SYT17: variants seen among roughly 807,000 people sequenced by gnomAD.
SYT17 encodes the protein synaptotagmin 17.
A neutral mutation model predicts 46.7 loss-of-function variants in SYT17; 22 were observed. The ratio of observed to expected loss-of-function variants is 0.47; its 90% confidence interval spans 0.34 to 0.67. The LOEUF (loss-of-function observed/expected upper bound fraction) is 0.67, where lower values mean the gene tolerates loss of function less well. SYT17 is among the 30% of genes least tolerant of loss of function. The pLI is 0.01. For missense variants in SYT17, 519 were observed against 612.8 expected (o/e 0.85, Z 1.62); for synonymous variants, 251 against 248.4 (o/e 1.01, Z -0.10).
rs147020335 is a variant in SYT17 at position 19,222,880 on chromosome 16, T to C, written c.952-165T>C. The stretch of plus-strand genomic sequence containing the variant: ...AAACTCAGAGATAGATGGACCACAA[T>C]AATTAGAGGCAGAGATGAAAAGAAG... On this transcript the variant is annotated intron_variant, in intron 5 of 7. Transcript: ENST00000355377. 5.3e-3 allele frequency among the ~76,000 whole-genome samples: 810 copies of C among 152,176 alleles called. 6 individuals carry two copies. Among genetic ancestry groups the C allele is most frequent in the African/African-American group, 0.018 (760 of 41,512 alleles).
intron 7 of SYT17, among the ~76,000 whole-genome samples, chr16:19,254,691 T>TC (rs551233988): frequency 6.6e-6 from 1 of 152,232 alleles, no homozygotes; most frequent in South Asian, 2.1e-4. Context: ...GTGTACATCT[T>TC]CCCCCAAGCG....
intron 5 of SYT17, among the ~76,000 whole-genome samples, chr16:19,210,181 C>T (rs1222131249): frequency 6.6e-6 from 1 of 152,044 alleles, no homozygotes; most frequent in Non-Finnish European, 1.5e-5. Context: ...TTCTATCATT[C>T]TGGTACAATA....
intron 5 of SYT17, among the ~76,000 whole-genome samples, chr16:19,220,651 T>C (rs879313051): frequency 2.6e-5 from 4 of 152,110 alleles, no homozygotes; most frequent in African/African-American, 4.8e-5. Flanking sequence ...AGGACCATCA[T>C]GATATGTACA....
At chr16:19,248,384 GAAACA>G (rs1967747314) in intron 7 of SYT17, among the ~76,000 whole-genome samples, 1 of 152,032 alleles carries the variant, frequency 6.6e-6, no homozygotes, top group Non-Finnish European at 1.5e-5. Context: ...TTACCCAAGA[GAAACA>G]AAAACATATG....
At chr16:19,232,456 C>T (rs1966735439) in intron 7 of SYT17, among the ~76,000 whole-genome samples, 1 of 152,122 alleles carries the variant, frequency 6.6e-6, no homozygotes, top group Non-Finnish European at 1.5e-5. Flanking sequence ...TGTGGGGCTG[C>T]AGACCACATT....
At chr16:19,219,424 AAAAAAAAAAAAAAAAAAAAAAAT>A (rs1246026012) in intron 5 of SYT17, among the ~76,000 whole-genome samples, 1 of 5,850 alleles carries the variant, frequency 1.7e-4, no homozygotes, top group African/African-American at 4.5e-3. Context: ...AAAAAAAAAA[AAAAAAAAAAAAAAAAAAAAAAAT>A]AATAATAATA....
chr16:19,252,478 T>C lies in SYT17; in HGVS notation c.1229-14402T>C, dbSNP rs1160594056. On this transcript the variant is annotated intron_variant, in intron 7 of 7. Transcript: ENST00000355377. ...ATATACATATATATATACATATATA[T>C]ATACATATATATATACATATATATA... Among the ~76,000 whole-genome samples the C allele has an allele frequency of 3.2e-4, 3 of 9,500 alleles. 1 individual carries two copies. Among genetic ancestry groups the C allele is most frequent in the African/African-American group, 1.3e-3 (2 of 1,580 alleles). The allele number at this position is 9,500 out of a possible 152,430, so 6.2% of individuals were successfully genotyped here. A position where few individuals can be genotyped will look rare whatever the true frequency, so the allele number is the denominator to read the frequency against.
At chr16:19,226,184 CA>C (rs1181371860) in intron 7 of SYT17, among the ~76,000 whole-genome samples, 3 of 152,184 alleles carry the variant, frequency 2.0e-5, no homozygotes, top group Non-Finnish European at 4.4e-5. Flanking sequence ...ACAACCTACA[CA>C]AAGTCTCAAG....
At chr16:19,189,455 C>T (rs1555457165) in intron 5 of SYT17, among the ~76,000 whole-genome samples, 1 of 151,980 alleles carries the variant, frequency 6.6e-6, no homozygotes. Context: ...ATCCTCCTAC[C>T]TCAGCCTTTC....
At chr16:19,232,559 G>A (rs137973565) in intron 7 of SYT17, among the ~76,000 whole-genome samples, 133 of 152,210 alleles carry the variant, frequency 8.7e-4, no homozygotes, top group Non-Finnish European at 1.5e-3. Context: ...GGCCCGGTGC[G>A]GTGGCTCACA....
At chr16:19,173,222 T>C in intron 2 of SYT17, 1 of 565,832 alleles carries the variant, frequency 1.8e-6, no homozygotes, top group Non-Finnish European at 3.1e-6. Context: ...AGTTGATGTT[T>C]GCTATCTTTG....
intron 5 of SYT17, among the ~76,000 whole-genome samples, chr16:19,211,716 C>T (rs1449229467): frequency 6.6e-6 from 1 of 151,928 alleles, no homozygotes; most frequent in Non-Finnish European, 1.5e-5. Flanking sequence ...CGCTCCACCT[C>T]CCGGGTTCAC....
rs146945337 is a variant in SYT17, at chr16:19,184,781, G to T, written c.951+634G>T. Among the ~76,000 whole-genome samples the T allele has an allele frequency of 1.4e-4, 21 of 152,116 alleles. No homozygotes were observed. In the East Asian group the frequency reaches 3.9e-3, roughly 28 times the overall value. On this transcript the variant is annotated intron_variant, in intron 5 of 7. Transcript: ENST00000355377. ...TTTAATAAGGAGAATGATTGCACAG[G>T]GTATAAAGCTATCAATCATTTTGAC...
intron 1 of SYT17, chr16:19,170,242 A>C (rs1567194558): frequency 6.6e-6 from 1 of 152,070 alleles, no homozygotes; most frequent in Non-Finnish European, 1.5e-5. Context: ...GTTCCAATAA[A>C]ACTTTATTTG....
At chr16:19,189,166 G>A (rs1964911476) in intron 5 of SYT17, among the ~76,000 whole-genome samples, 1 of 152,094 alleles carries the variant, frequency 6.6e-6, no homozygotes, top group Non-Finnish European at 1.5e-5. Context: ...GATTACAGGC[G>A]TGAGCCACGT....
chr16:19,204,477 G>C (rs1450708975), intron 5 of SYT17, among the ~76,000 whole-genome samples: 1 of 152,062 alleles, frequency 6.6e-6, no homozygotes, highest in Non-Finnish European at 1.5e-5. Flanking sequence ...TGAGGTGCTT[G>C]CTGGTTAGGG....
At chr16:19,248,895 C>T (rs1597023506) in intron 7 of SYT17, among the ~76,000 whole-genome samples, 2 of 151,506 alleles carry the variant, frequency 1.3e-5, no homozygotes, top group East Asian at 1.9e-4. Flanking sequence ...TACACATGGC[C>T]GAATCTCAAA....
chr16:19,173,306 T>C (rs777252906), intron 2 of SYT17, 124 bp from the exon 3 acceptor site: 31 of 638,940 alleles, frequency 4.9e-5, no homozygotes, highest in Non-Finnish European at 7.6e-5. Flanking sequence ...AACTCCTGAA[T>C]GTCTATTTCT....
At position 19,220,977 on chromosome 16, in the gene SYT17, A is replaced by G. The variant is rs146850563; in HGVS notation, c.952-2068A>G. ...GAGGCTAAGGCAGGAGGATCACTTG[A>G]GGCCAGGATTTCAAGACCAGCCTGG... On this transcript the variant is annotated intron_variant, in intron 5 of 7. Transcript: ENST00000355377. Among the ~76,000 whole-genome samples, 1,367 of 151,938 alleles carry G rather than the reference A, an allele frequency of 9.0e-3. 32 individuals carry two copies. Among genetic ancestry groups the G allele is most frequent in the African/African-American group, 0.032 (1,306 of 41,436 alleles).
Sources: allele counts gnomAD v4.1 joint callset (sites outside exome capture counted in the v4.1 genomes callset), GRCh38; gene constraint gnomAD v4.1.1; transcripts MANE v1.5; gene names NCBI Gene and HGNC (gene_info 2026-07-23, HGNC 2026-07-21).